Variants in CNTN5 observed in about 807,000 individuals in gnomAD.
The protein encoded by CNTN5 is contactin-5.
Under a neutral mutation model 129.1 loss-of-function variants are expected in CNTN5, and 77 were observed. That is an observed-to-expected ratio of 0.60 (90% CI 0.50 to 0.72). The LOEUF is 0.72. Ranked by LOEUF, CNTN5 falls within the 30% of genes least tolerant of loss-of-function variation. The pLI is 0.00. For missense variants in CNTN5, 1,478 were observed against 1,328.8 expected (o/e 1.11, Z -1.75); for synonymous variants, 509 against 465.6 (o/e 1.09, Z -1.20).
chr11:99,341,212 T>G (rs1866498538), intron 2 of CNTN5, among the ~76,000 whole-genome samples: 2 of 152,152 alleles, frequency 1.3e-5, no homozygotes, highest in Non-Finnish European at 1.5e-5. Flanking sequence ...CTGAAATAAT[T>G]TAACTTCTAA....
chr11:100,164,177 A>G (rs936039093), intron 13 of CNTN5, among the ~76,000 whole-genome samples: 9 of 151,834 alleles, frequency 5.9e-5, no homozygotes, highest in African/African-American at 9.7e-5. Context: ...ATGATTCTCT[A>G]TGTCCATCAT....
chr11:99,534,834 T>G (rs148478984), intron 2 of CNTN5, among the ~76,000 whole-genome samples: 30 of 152,238 alleles, frequency 2.0e-4, no homozygotes, highest in African/African-American at 7.2e-4. Flanking sequence ...GGAGAACTTT[T>G]GTCTGGTAGT....
chr11:99,758,920 A>G (rs923122129), intron 3 of CNTN5, among the ~76,000 whole-genome samples: 1 of 152,118 alleles, frequency 6.6e-6, no homozygotes, highest in Non-Finnish European at 1.5e-5. Flanking sequence ...AAATGGTTTC[A>G]ATATATGGTA....
At chr11:99,491,741 A>C (rs1201035395) in intron 2 of CNTN5, among the ~76,000 whole-genome samples, 1 of 152,298 alleles carries the variant, frequency 6.6e-6, no homozygotes, top group African/African-American at 2.4e-5. Flanking sequence ...AGGAACATGA[A>C]ATCACCAGTA....
chr11:99,282,790 C>A (rs927041857), intron 1 of CNTN5, among the ~76,000 whole-genome samples: 1 of 151,978 alleles, frequency 6.6e-6, no homozygotes, highest in African/African-American at 2.4e-5. Flanking sequence ...ACAAAGGAAA[C>A]CCCTACTTAG....
chr11:99,937,226 C>T (rs34327904), intron 7 of CNTN5, among the ~76,000 whole-genome samples: 41,520 of 151,992 alleles, frequency 0.27, 6,024 homozygotes, highest in East Asian at 0.36. Context: ...TAGAATATGC[C>T]CATGTATGAT....
intron 15 of CNTN5, among the ~76,000 whole-genome samples, chr11:100,198,415 G>GAC (rs10603849): frequency 0.029 from 4,377 of 150,414 alleles, 71 homozygotes; most frequent in Non-Finnish European, 0.039. Flanking sequence ...TGTCTGTCTA[G>GAC]ACACACACAC....
intron 21 of CNTN5, among the ~76,000 whole-genome samples, chr11:100,328,762 AAAAAAGAAAAAAAAG>A (rs977677381): frequency 2.6e-5 from 4 of 152,040 alleles, no homozygotes; most frequent in Non-Finnish European, 5.9e-5. Context: ...CAGACCTTGC[AAAAAAGAAAAAAAAG>A]AAAAAGAAAA....
At chr11:100,039,574 G>A (rs1942250973) in intron 9 of CNTN5, among the ~76,000 whole-genome samples, 1 of 152,150 alleles carries the variant, frequency 6.6e-6, no homozygotes, top group Admixed American at 6.5e-5. Flanking sequence ...TTTCCACCTT[G>A]GTTCCATTCT....
At chr11:99,133,097 G>A (rs1859029158) in intron 1 of CNTN5, among the ~76,000 whole-genome samples, 1 of 151,854 alleles carries the variant, frequency 6.6e-6, no homozygotes, top group Non-Finnish European at 1.5e-5. Flanking sequence ...CCAGAAATAA[G>A]GCCACACACC....
chr11:99,865,319 T>A (rs578062671), intron 6 of CNTN5, among the ~76,000 whole-genome samples: 1 of 152,174 alleles, frequency 6.6e-6, no homozygotes, highest in African/African-American at 2.4e-5. Flanking sequence ...GAACAGTCAC[T>A]GGGACACAAT....
At chr11:100,085,174 CT>C (rs942244817) in intron 13 of CNTN5, among the ~76,000 whole-genome samples, 1 of 151,878 alleles carries the variant, frequency 6.6e-6, no homozygotes, top group Admixed American at 6.6e-5. Flanking sequence ...AACTTCCGGT[CT>C]TTTTTTCTGG....
chr11:100,131,197 A>G (rs1050652407), intron 13 of CNTN5, among the ~76,000 whole-genome samples: 1 of 152,090 alleles, frequency 6.6e-6, no homozygotes. Context: ...AAGAGTGGGT[A>G]CAGAATCACT....
rs867106505 is a variant in CNTN5 at position 99,760,946 on chromosome 11, C to A, written c.56-58598C>A. ...GTTGCAAATTTTCAAAAGAAAAAAA[C>A]GTTTTCTAATGATGTGGGTTATTTG... is the stretch of plus-strand genomic sequence containing the variant. On this transcript the variant is annotated intron_variant, in intron 3 of 24. Coordinates refer to ENST00000524871, the MANE Select transcript of CNTN5 (RefSeq NM_014361.4). Among the ~76,000 whole-genome samples, 47 of 152,004 alleles carry A rather than the reference C, an allele frequency of 3.1e-4. 1 individual carries two copies. Among genetic ancestry groups the A allele is most frequent in the African/African-American group, 1.1e-3 (47 of 41,490 alleles).
At chr11:99,173,554 C>T (rs2135546526) in intron 1 of CNTN5, among the ~76,000 whole-genome samples, 1 of 152,232 alleles carries the variant, frequency 6.6e-6, no homozygotes, top group South Asian at 2.1e-4. Flanking sequence ...AGGCAGGTTT[C>T]TGTTCATTGG....
intron 8 of CNTN5, among the ~76,000 whole-genome samples, chr11:99,957,392 C>G (rs1448346888): frequency 2.6e-5 from 4 of 152,168 alleles, no homozygotes; most frequent in African/African-American, 9.6e-5. Flanking sequence ...ATTTTAGCTG[C>G]CTTCAAATTG....
rs146459253 is a variant in CNTN5, at chr11:99,798,134, T to C, written c.56-21410T>C. 1.6e-3 allele frequency among the ~76,000 whole-genome samples: 249 copies of C among 152,154 alleles called. 2 individuals carry two copies. The highest frequency in any genetic ancestry group is 6.0e-3 in the East Asian group (31 of 5,174). On this transcript the variant is annotated intron_variant, in intron 3 of 24. Transcript: ENST00000524871. ...CTACCCTACCCCGTCTGATAGGCCC[T>C]AGTATATGTTTTTCCCTCAATGTGT...
At chr11:100,310,625 A>AT (rs1156505012) in intron 21 of CNTN5, among the ~76,000 whole-genome samples, 3 of 151,946 alleles carry the variant, frequency 2.0e-5, no homozygotes, top group Admixed American at 6.6e-5. Flanking sequence ...TAAGCGCATG[A>AT]TTTTTTAAAA....
intron 1 of CNTN5, among the ~76,000 whole-genome samples, chr11:99,037,571 CTTTTCTTTTTTT>C (rs1283402657): frequency 3.4e-5 from 4 of 118,266 alleles, no homozygotes; most frequent in Non-Finnish European, 7.0e-5. Flanking sequence ...CTTCTTTTTT[CTTTTCTTTTTTT>C]TTTTTTTTTT....
Sources: gnomAD v4.1 joint callset for allele counts (sites outside exome capture counted in the v4.1 genomes callset) on GRCh38, gnomAD v4.1.1 for gene constraint, MANE v1.5 for transcripts, NCBI Gene and HGNC (gene_info 2026-07-23, HGNC 2026-07-21) for gene names.